COL11A1: variants seen among roughly 807,000 people sequenced by gnomAD.
COL11A1 encodes collagen alpha-1(XI) chain.
COL11A1 carries 74 observed loss-of-function variants against 265.2 expected under a neutral mutation model. That is an observed-to-expected ratio of 0.28 (90% confidence interval 0.23 to 0.34). COL11A1 has a LOEUF of 0.34. Among genes scored for constraint, COL11A1 ranks in the 10% least tolerant of loss-of-function variants. The probability of loss-of-function intolerance (pLI) is 1.00; values close to 1 mark genes in which losing one functional copy is unlikely to be tolerated. For synonymous variants in COL11A1, 816 were observed against 727.6 expected (o/e 1.12, Z -1.96); for missense variants, 2,165 against 2,263.6 (o/e 0.96, Z 0.88).
At chr1:103,015,322 A>T (rs927741441) in intron 12 of COL11A1, among the ~76,000 whole-genome samples, 2 of 151,948 alleles carry the variant, frequency 1.3e-5, no homozygotes, top group Non-Finnish European at 2.9e-5. Flanking sequence ...ACTATTTATG[A>T]CTATATAGAT....
intron 65 of COL11A1, among the ~76,000 whole-genome samples, chr1:102,881,331 G>T (rs1303811679): frequency 6.6e-6 from 1 of 151,976 alleles, no homozygotes; most frequent in Non-Finnish European, 1.5e-5. Context: ...AAGGAATTAG[G>T]TTTCAAGCAG....
At chr1:103,059,926 AAG>A (rs1670537013) in intron 4 of COL11A1, among the ~76,000 whole-genome samples, 1 of 152,100 alleles carries the variant, frequency 6.6e-6, no homozygotes, top group East Asian at 1.9e-4. Flanking sequence ...TACAAGGAGA[AAG>A]AGAGAAAAGA....
At chr1:102,933,231 T>C (rs1215316313) in intron 46 of COL11A1, among the ~76,000 whole-genome samples, 2 of 136,928 alleles carry the variant, frequency 1.5e-5, no homozygotes, top group African/African-American at 5.4e-5. Flanking sequence ...TTTTATCTAC[T>C]TTTGGTCTTT....
At chr1:103,093,188 A>G (rs983257654) in intron 1 of COL11A1, among the ~76,000 whole-genome samples, 1 of 152,140 alleles carries the variant, frequency 6.6e-6, no homozygotes, top group African/African-American at 2.4e-5. Flanking sequence ...GAAAAAGTGA[A>G]GTCATTATAT....
intron 49 of COL11A1, among the ~76,000 whole-genome samples, chr1:102,916,882 T>G (rs1207562584): frequency 2.0e-5 from 3 of 151,932 alleles, no homozygotes; most frequent in African/African-American, 7.2e-5. Flanking sequence ...CTCAGTAGAA[T>G]GTAATGATGT....
Position 103,001,973 on chromosome 1 carries a change from T to C in COL11A1, c.2098-4A>G, listed in dbSNP as rs759906097. 1.2e-6 allele frequency: 2 copies of C among 1,611,530 alleles called. No individual in the cohort carries two copies. The highest frequency in any genetic ancestry group is 2.7e-5 in the African/African-American group (2 of 74,842). On this transcript the variant is annotated splice_region_variant and splice_polypyrimidine_tract_variant and intron_variant, in intron 23 of 66. Transcript: ENST00000370096. ...GACCTTGTGGACCAGGAAGACCCTA[T>C]TTTAAAAGAATTTATTTCATATATC...
chr1:103,021,544 T>C (rs2101937209), intron 9 of COL11A1, among the ~76,000 whole-genome samples, 163 bp downstream of exon 9: 1 of 152,314 alleles, frequency 6.6e-6, no homozygotes, highest in East Asian at 1.9e-4. Context: ...GAAATTCTCC[T>C]TTCTAGACAA....
intron 46 of COL11A1, among the ~76,000 whole-genome samples, chr1:102,933,079 T>G (rs1199284616): frequency 6.7e-6 from 1 of 148,912 alleles, no homozygotes; most frequent in African/African-American, 2.5e-5. Context: ...TCTGAAGCCT[T>G]CTTCTCTCAG....
chr1:102,913,510 A>G (rs1386309902), intron 53 of COL11A1, 127 bp downstream of exon 53: 4 of 858,122 alleles, frequency 4.7e-6, no homozygotes, highest in East Asian at 5.1e-5. Flanking sequence ...AATTTTTTTG[A>G]TAATTCTTTC....
At chr1:102,965,387 T>C in intron 38 of COL11A1, 100 bp downstream of exon 38, 1 of 1,148,960 alleles carries the variant, frequency 8.7e-7, no homozygotes, top group Non-Finnish European at 1.3e-6. Context: ...AATACATCAT[T>C]TTGAATCATA....
chr1:102,884,814 C>T (rs1650756820), intron 63 of COL11A1, among the ~76,000 whole-genome samples: 1 of 152,180 alleles, frequency 6.6e-6, no homozygotes, highest in Non-Finnish European at 1.5e-5. Flanking sequence ...CCGCTTGACC[C>T]TCTTCCAAGT....
At chr1:103,023,290 T>C (rs1010703696) in intron 7 of COL11A1, among the ~76,000 whole-genome samples, 2 of 152,186 alleles carry the variant, frequency 1.3e-5, no homozygotes, top group African/African-American at 4.8e-5. Flanking sequence ...TGTTAGTCAA[T>C]TTCATATTTA....
In COL11A1 at chr1:102,915,525, G is replaced by T. The variant is rs1020617386; in HGVS notation, c.3816+106C>A. ...GATTTTCCTTAATGAGTTGGGAAGG[G>T]AAAGTAAAATTCGAACCACAGCTAA... On this transcript the variant is annotated intron_variant, in intron 50 of 66. Coordinates refer to ENST00000370096, the MANE Select transcript of COL11A1 (RefSeq NM_001854.4). 7.4e-6 allele frequency: 7 copies of T among 949,338 alleles called. No individual in the cohort carries two copies. In the African/African-American group the frequency reaches 9.7e-5, roughly 13 times the overall value. The allele number at this position is 949,338 out of a possible 1,614,324, so 58.8% of individuals were successfully genotyped here.
intron 41 of COL11A1, among the ~76,000 whole-genome samples, chr1:102,948,999 A>G (rs773816895): frequency 6.6e-6 from 1 of 152,042 alleles, no homozygotes; most frequent in Non-Finnish European, 1.5e-5. Context: ...GTGGATAAGA[A>G]GAAGAGCAAG....
intron 12 of COL11A1, 91 bp downstream of exon 12, chr1:103,015,577 G>A: frequency 2.0e-6 from 2 of 978,186 alleles, no homozygotes; most frequent in Non-Finnish European, 3.1e-6. Flanking sequence ...ATGGTTTTTA[G>A]TTGATTGCTC....
chr1:102,972,634 A>AT (rs753628454), intron 36 of COL11A1, among the ~76,000 whole-genome samples: 5 of 152,112 alleles, frequency 3.3e-5, no homozygotes, highest in African/African-American at 1.2e-4. Flanking sequence ...AAAAGTAATA[A>AT]TTTTTTCATC....
chr1:102,945,860 A>G (rs974477047), intron 42 of COL11A1, among the ~76,000 whole-genome samples: 2 of 152,076 alleles, frequency 1.3e-5, no homozygotes, highest in Admixed American at 6.6e-5. Flanking sequence ...TCATGCTGCC[A>G]TAAAGACACA....
chr1:103,037,255 TGTGTGTGTGTGTG>T (rs1668450920), intron 4 of COL11A1, among the ~76,000 whole-genome samples: 1 of 26,000 alleles, frequency 3.8e-5, no homozygotes, highest in African/African-American at 9.5e-5. Context: ...ATTTAGATTG[TGTGTGTGTGTGTG>T]TGTGTGTGTG....
At chr1:102,976,908 C>G (rs557849908) in intron 35 of COL11A1, among the ~76,000 whole-genome samples, 15 of 151,932 alleles carry the variant, frequency 9.9e-5, no homozygotes, top group Non-Finnish European at 2.1e-4. Flanking sequence ...TATATTTAAC[C>G]TTTAATAACC....
Sources: allele counts gnomAD v4.1 joint callset (sites outside exome capture counted in the v4.1 genomes callset), GRCh38; gene constraint gnomAD v4.1.1; transcripts MANE v1.5; gene names NCBI Gene and HGNC (gene_info 2026-07-23, HGNC 2026-07-21).